The following MGLL variants were observed in gnomAD, a reference collection of about 807,000 sequenced individuals.
MGLL encodes the protein monoglyceride lipase, also known as lysophospholipase homolog.
In MGLL, 7 loss-of-function variants were observed where a neutral mutation model predicts 29.1. The observed-to-expected ratio is 0.24, with a 90% confidence interval of 0.14 to 0.45. MGLL has a LOEUF of 0.45. Ranked by LOEUF, MGLL falls within the 20% of genes least tolerant of loss-of-function variation. The pLI, the probability that MGLL is intolerant of heterozygous loss-of-function variation, is 0.99. For synonymous variants in MGLL, 148 were observed against 168.3 expected, an observed-to-expected ratio of 0.88 and a Z score of 0.93; for missense variants, 356 against 413.6, an observed-to-expected ratio of 0.86 and a Z score of 1.21.
Position 127,722,544 on chromosome 3 carries a change from C to T in MGLL, c.285G>A (p.Gly95=), listed in dbSNP as rs1262699217. 1 of 1,614,212 alleles carries T rather than the reference C, an allele frequency of 6.2e-7. No individual in the cohort carries two copies. The highest frequency in any genetic ancestry group is 1.1e-5 in the South Asian group (1 of 91,082). ...GGAAGTCAGACACTACCATCCTCTC[C>T]CCTTCGCTCTGTCCGTGGCCAACTG... ...HDHVGHGQSE[G]ERMVVSDFHV... The change falls in exon 4 of 8, where the codon GGG becomes GGA. Residue 95 remains glycine (G), a synonymous_variant. Coordinates refer to ENST00000265052, the MANE Select transcript of MGLL (RefSeq NM_007283.7).
rs529446671 is a variant in MGLL, at chr3:127,703,030, G to A, written c.600+7546C>T. ...TCCACTTTTAAGAGCAGTGAGGTAG[G>A]AATGGCTCTGCAGGTCGCAGCCCCG... On this transcript the variant is annotated intron_variant, in intron 6 of 7. Coordinates refer to ENST00000265052, the MANE Select transcript of MGLL (RefSeq NM_007283.7). Among the ~76,000 whole-genome samples the A allele has an allele frequency of 7.7e-4, 117 of 152,308 alleles. 1 individual carries two copies. Among genetic ancestry groups the A allele is most frequent in the Non-Finnish European group, 1.0e-3 (68 of 68,034 alleles).
At chr3:127,694,879 T>C in intron 7 of MGLL, 96 bp downstream of exon 7, 1 of 1,190,628 alleles carries the variant, frequency 8.4e-7, no homozygotes, top group Non-Finnish European at 1.2e-6. Context: ...ACCTGGGAGG[T>C]GGCCCTCGAG....
intron 5 of MGLL, among the ~76,000 whole-genome samples, chr3:127,717,712 A>G (rs1460970453): frequency 6.6e-6 from 1 of 152,166 alleles, no homozygotes; most frequent in Non-Finnish European, 1.5e-5. Flanking sequence ...AGCTTAGCCC[A>G]GAGGGATTTT....
intron 3 of MGLL, among the ~76,000 whole-genome samples, chr3:127,746,057 G>A (rs2076435965): frequency 6.6e-6 from 1 of 152,216 alleles, no homozygotes; most frequent in Non-Finnish European, 1.5e-5. Context: ...GGCCCAGACA[G>A]AAACAAGGAA....
chr3:127,704,635 A>G (rs1485065290), intron 6 of MGLL, among the ~76,000 whole-genome samples: 1 of 152,210 alleles, frequency 6.6e-6, no homozygotes, highest in Non-Finnish European at 1.5e-5. Context: ...GAAACACATG[A>G]AAAAAAGCTC....
chr3:127,747,852 A>C (rs2076477792), intron 3 of MGLL, among the ~76,000 whole-genome samples: 1 of 152,192 alleles, frequency 6.6e-6, no homozygotes, highest in Non-Finnish European at 1.5e-5. Context: ...GGTGGCTCCC[A>C]GACTCCTGAG....
chr3:127,738,500 C>T (rs1223274835), intron 3 of MGLL, among the ~76,000 whole-genome samples: 1 of 152,144 alleles, frequency 6.6e-6, no homozygotes, highest in Non-Finnish European at 1.5e-5. Context: ...TCAGCACCCA[C>T]TCAGCCCTGG....
chr3:127,706,811 G>A (rs544777707), intron 6 of MGLL, among the ~76,000 whole-genome samples: 30 of 152,228 alleles, frequency 2.0e-4, no homozygotes, highest in African/African-American at 5.5e-4. Context: ...GGGAACTCCC[G>A]TGGAAGGCTG....
chr3:127,742,589 CAAA>C (rs60743176), intron 3 of MGLL, among the ~76,000 whole-genome samples: 63 of 70,508 alleles, frequency 8.9e-4, no homozygotes, highest in East Asian at 2.0e-3. Context: ...GACTCCGTCC[CAAA>C]AAAAAAAAAA....
intron 2 of MGLL, among the ~76,000 whole-genome samples, chr3:127,816,161 C>T (rs970900862): frequency 3.9e-5 from 6 of 152,156 alleles, no homozygotes; most frequent in African/African-American, 9.7e-5. Context: ...GCTGGTGATG[C>T]GGGAACACCT....
chr3:127,744,318 A>G (rs2076400328), intron 3 of MGLL, among the ~76,000 whole-genome samples: 1 of 152,266 alleles, frequency 6.6e-6, no homozygotes, highest in Non-Finnish European at 1.5e-5. Context: ...CTTGGCATCT[A>G]GCAAGATGAT....
At chr3:127,780,037 C>T (rs1275142326) in intron 3 of MGLL, among the ~76,000 whole-genome samples, 1 of 152,230 alleles carries the variant, frequency 6.6e-6, no homozygotes, top group African/African-American at 2.4e-5. Context: ...TGAACACCAA[C>T]AGCCATTTTC....
At chr3:127,782,289 C>A (rs552121875) in intron 2 of MGLL, among the ~76,000 whole-genome samples, 2 of 152,288 alleles carry the variant, frequency 1.3e-5, no homozygotes, top group East Asian at 3.9e-4. Context: ...CCAGAGCTTA[C>A]AAAACCTCAG....
chr3:127,752,841 T>A (rs1365534684), intron 3 of MGLL, among the ~76,000 whole-genome samples: 3 of 152,172 alleles, frequency 2.0e-5, no homozygotes, highest in African/African-American at 7.2e-5. Context: ...GAGCCTGAAA[T>A]GCACCTAGCA....
At chr3:127,694,269 G>GAAAA (rs61437030) in intron 7 of MGLL, among the ~76,000 whole-genome samples, 36 of 67,614 alleles carry the variant, frequency 5.3e-4, no homozygotes, top group East Asian at 1.5e-3. Context: ...TACTCTGTCT[G>GAAAA]AAAAAAAAAA....
At chr3:127,788,132 G>T (rs915104283) in intron 2 of MGLL, among the ~76,000 whole-genome samples, 3 of 152,174 alleles carry the variant, frequency 2.0e-5, no homozygotes, top group Non-Finnish European at 4.4e-5. Flanking sequence ...TGCCTCCCAG[G>T]GAGGGCCTTT....
At chr3:127,792,158 A>G (rs530143315) in intron 2 of MGLL, among the ~76,000 whole-genome samples, 1 of 152,322 alleles carries the variant, frequency 6.6e-6, no homozygotes, top group Non-Finnish European at 1.5e-5. Flanking sequence ...CTCTCTAGAA[A>G]TTTACATCTA....
intron 3 of MGLL, among the ~76,000 whole-genome samples, chr3:127,737,800 A>C (rs1382917573): frequency 1.3e-5 from 2 of 151,082 alleles, no homozygotes; most frequent in African/African-American, 4.9e-5. Flanking sequence ...ATGCACCACC[A>C]CACCTGGCTA....
intron 3 of MGLL, among the ~76,000 whole-genome samples, chr3:127,758,048 C>T (rs568349734): frequency 6.6e-6 from 1 of 152,326 alleles, no homozygotes; most frequent in East Asian, 1.9e-4. Flanking sequence ...TCCTCTCCTA[C>T]AGTGCTCTCC....
Sources: allele counts gnomAD v4.1 joint callset (sites outside exome capture counted in the v4.1 genomes callset), GRCh38; gene constraint gnomAD v4.1.1; transcripts MANE v1.5; gene names NCBI Gene and HGNC (gene_info 2026-07-23, HGNC 2026-07-21).